Variants in OTOG observed in about 807,000 individuals in gnomAD.
The protein encoded by OTOG is otogelin.
In OTOG, 296 loss-of-function variants were observed where a neutral mutation model predicts 313.8. The ratio of observed to expected loss-of-function variants is 0.94; its 90% confidence interval spans 0.86 to 1.04. The LOEUF (loss-of-function observed/expected upper bound fraction) is 1.04, where lower values mean the gene tolerates loss of function less well. OTOG is among the 50% of genes least tolerant of loss of function. The probability of loss-of-function intolerance (pLI) is 0.00; values close to 1 mark genes in which losing one functional copy is unlikely to be tolerated. For missense variants in OTOG, 3,948 were observed against 3,840.1 expected, an observed-to-expected ratio of 1.03 and a Z score of -0.74; for synonymous variants, 1,533 against 1,554.9, an observed-to-expected ratio of 0.99 and a Z score of 0.33.
In OTOG at chr11:17,574,724, G is replaced by A; in HGVS notation, c.2298G>A (p.Leu766=). Residue 766 remains leucine (L), a synonymous_variant, in exon 20 of 56, where the codon CTG becomes CTA. Transcript: ENST00000399397. ...DFRARLPACA[L]SCEASKEYSP... ...ACCACTCCCCCCTCACTGCAGCACT[G>A]TCCTGTGAGGCCTCCAAGGAGTATA... 1 of 1,550,386 alleles carries A rather than the reference G, an allele frequency of 6.5e-7. No homozygotes were observed. The highest frequency in any genetic ancestry group is 8.7e-7 in the Non-Finnish European group (1 of 1,146,846).
intron 30 of OTOG, among the ~76,000 whole-genome samples, chr11:17,597,310 T>C (rs1372281213): frequency 3.3e-5 from 5 of 152,200 alleles, no homozygotes; most frequent in Admixed American, 2.6e-4. Flanking sequence ...ATAGCCACTT[T>C]GTTAGAAGAG....
chr11:17,611,359 T>C lies in OTOG; in HGVS notation c.6059T>C (p.Ile2020Thr), dbSNP rs576988347. 4 of 1,548,530 alleles carry C rather than the reference T, an allele frequency of 2.6e-6. No individual in the cohort carries two copies. In the African/African-American group the frequency reaches 5.5e-5, roughly 21 times the overall value. ...PSGRSAPALS[I>T]VEGLAEALAT... ...GGGCGCTCAGCCCCAGCCCTGAGCA[T>C]CGTAGAGGGTTTGGCGGAGGCTTTG... The change falls in exon 36 of 56, where the codon ATC becomes ACC. Residue 2020 changes from isoleucine (I) to threonine (T), a missense_variant. Ile to Thr is a moderately conservative substitution (Grantham distance 89). Coordinates refer to ENST00000399397, the MANE Select transcript of OTOG (RefSeq NM_001292063.2).
At position 17,559,597 on chromosome 11, in the gene OTOG, GCCATCC is replaced by G. The variant is rs1852133738; in HGVS notation, c.1280_1285del (p.His427_Pro428del). 6.4e-7 allele frequency: 1 copy of G among 1,550,744 alleles called. No homozygotes were observed. The highest frequency in any genetic ancestry group is 8.7e-7 in the Non-Finnish European group (1 of 1,147,078). The stretch of plus-strand genomic sequence containing the variant: ...TGCATCGCCTGCTGCCCTGCCTCCT[GCCATCC>G]CCGGGCATCCTGTGTGGACAGTGAG... On this transcript the variant is annotated inframe_deletion, in exon 12 of 56. Coordinates refer to ENST00000399397, the MANE Select transcript of OTOG (RefSeq NM_001292063.2).
intron 23 of OTOG, among the ~76,000 whole-genome samples, chr11:17,584,820 C>T (rs1304648752): frequency 6.6e-6 from 1 of 152,226 alleles, no homozygotes; most frequent in Non-Finnish European, 1.5e-5. Context: ...GCCACCGCAC[C>T]AAGCCTGTCA....
At chr11:17,589,750 G>A (rs887933391) in intron 24 of OTOG, among the ~76,000 whole-genome samples, 2 of 151,944 alleles carry the variant, frequency 1.3e-5, no homozygotes, top group African/African-American at 2.4e-5. Context: ...AAGCCCTTTC[G>A]GTCAGGCATT....
intron 39 of OTOG, among the ~76,000 whole-genome samples, chr11:17,614,647 G>A (rs578250139): frequency 2.6e-5 from 4 of 151,986 alleles, no homozygotes; most frequent in Non-Finnish European, 5.9e-5. Context: ...CTATAGTTAT[G>A]CCTTTTCCAG....
In OTOG at chr11:17,610,484, C is replaced by T. The variant is rs543256557; in HGVS notation, c.5184C>T (p.Ala1728=). The part of the protein sequence containing the change: ...EIVLSTEKGE[A]GHSQPMGSPA... ...TGCTATCCACAGAGAAGGGCGAAGC[C>T]GGGCACAGCCAGCCCATGGGCTCGC... The change falls in exon 36 of 56, where the codon GCC becomes GCT. Residue 1728 remains alanine (A), a synonymous_variant. Transcript: ENST00000399397. 10 of 1,550,454 alleles carry T rather than the reference C, an allele frequency of 6.4e-6. No homozygotes were observed. The highest frequency in any genetic ancestry group is 4.9e-5 in the East Asian group (2 of 40,914).
At chr11:17,575,265 C>G (rs573074018) in intron 20 of OTOG, among the ~76,000 whole-genome samples, 58 of 152,316 alleles carry the variant, frequency 3.8e-4, no homozygotes, top group Non-Finnish European at 6.9e-4. Flanking sequence ...ATGAACAAAG[C>G]AGAGTTTAGC....
Position 17,632,150 on chromosome 11 carries a change from C to T in OTOG, c.6996C>T (p.Cys2332=), listed in dbSNP as rs752979647. ...IRDTKYVQQP[C]VALTVYVAMC... ...ACACCAAGTACGTGCAGCAGCCCTG[C>T]GTGGCCCTGACTGTGTACGTGGCCA... The change falls in exon 42 of 56, where the codon TGC becomes TGT. Residue 2332 remains cysteine, a synonymous_variant. Coordinates refer to ENST00000399397, the MANE Select transcript of OTOG (RefSeq NM_001292063.2). 2.6e-5 allele frequency: 40 copies of T among 1,551,058 alleles called. No individual in the cohort carries two copies. The African/African-American group carries it at 4.1e-4, about 16-fold the overall frequency.
intron 43 of OTOG, 84 bp from the exon 44 acceptor site, chr11:17,633,985 G>A: frequency 2.0e-6 from 3 of 1,485,932 alleles, no homozygotes; most frequent in Non-Finnish European, 2.7e-6. Context: ...CTTAGGGGTG[G>A]CCAGTAAACC....
chr11:17,642,841 A>T (rs1194239153), intron 53 of OTOG, among the ~76,000 whole-genome samples: 1 of 152,154 alleles, frequency 6.6e-6, no homozygotes, highest in African/African-American at 2.4e-5. Flanking sequence ...CAGACACTCA[A>T]TGACACTCAT....
chr11:17,564,192 G>A (rs1030117330), intron 15 of OTOG, among the ~76,000 whole-genome samples: 4 of 152,180 alleles, frequency 2.6e-5, no homozygotes, highest in Non-Finnish European at 5.9e-5. Context: ...GGCATGGTGA[G>A]GTTACACAGA....
intron 15 of OTOG, among the ~76,000 whole-genome samples, chr11:17,566,393 A>G (rs1270256946): frequency 6.6e-6 from 1 of 152,166 alleles, no homozygotes; most frequent in Non-Finnish European, 1.5e-5. Context: ...TTTTCAATCC[A>G]TGGTTGGTTG....
chr11:17,635,478 C>G, intron 46 of OTOG, 132 bp from the exon 47 acceptor site: 1 of 709,436 alleles, frequency 1.4e-6, no homozygotes, highest in Non-Finnish European at 2.5e-6. Flanking sequence ...TCACGTGAGA[C>G]CATGCGATGC....
chr11:17,599,785 C>A, intron 31 of OTOG, 88 bp downstream of exon 31: 2 of 1,447,074 alleles, frequency 1.4e-6, no homozygotes, highest in Non-Finnish European at 1.9e-6. Context: ...CATCCCGAGG[C>A]GCTGCTGGCC....
chr11:17,557,118 G>A lies in OTOG; in HGVS notation c.660G>A (p.Arg220=). 2 of 1,549,618 alleles carry A rather than the reference G, an allele frequency of 1.3e-6. No homozygotes were observed. The highest frequency in any genetic ancestry group is 1.7e-6 in the Non-Finnish European group (2 of 1,146,972). The change falls in exon 8 of 56, where the codon AGG becomes AGA. Residue 220 remains arginine (R), a splice_region_variant and synonymous_variant. Coordinates refer to ENST00000399397, the MANE Select transcript of OTOG (RefSeq NM_001292063.2). The part of the protein sequence containing the change: ...LAKEVTHGGM[R]VQLPHVMGSA... ...TGAAGCTCTGGGATGTGCCCTGCAG[G>A]GTCCAACTGCCACATGTCATGGGGA...
In OTOG at chr11:17,608,305, C is replaced by T. The variant is rs767565951; in HGVS notation, c.4166C>T (p.Pro1389Leu). 3.5e-5 allele frequency: 53 copies of T among 1,531,380 alleles called. 1 individual carries two copies. The South Asian group carries it at 6.1e-4, about 18-fold the overall frequency. The allele number at this position is 1,531,380 out of a possible 1,614,324, so 94.9% of individuals were successfully genotyped here. Residue 1389 changes from proline to leucine, a missense_variant, in exon 34 of 56, where the codon CCC becomes CTC. By Grantham distance (98) the Pro-to-Leu change is moderately conservative. Transcript: ENST00000399397. ...GTLFRLLDAKPSGAAYPICEW... is the reference protein window; with the variant it reads ...GTLFRLLDAKLSGAAYPICEW... ...CCATCTCACTTTCTAGATGCCAAGC[C>T]CTCGGGGGCTGCCTACCCCATCTGC...
chr11:17,558,175 C>A lies in OTOG; in HGVS notation c.866-10C>A. 1.3e-6 allele frequency: 2 copies of A among 1,550,472 alleles called. No homozygotes were observed. Among genetic ancestry groups the A allele is most frequent in the Non-Finnish European group, 8.7e-7 (1 of 1,146,970 alleles). On this transcript the variant is annotated splice_polypyrimidine_tract_variant and intron_variant, in intron 8 of 55. Transcript: ENST00000399397. ...CGCTGCCCCATCATGATGTCAGCTC[C>A]CTCCTCCAGGGAAGCTGACTGACGA...
At position 17,645,980 on chromosome 11, in the gene OTOG, C is replaced by T. The variant is rs1848068994; in HGVS notation, c.*36C>T. On this transcript the variant is annotated 3_prime_UTR_variant, in exon 56 of 56. Coordinates refer to ENST00000399397, the MANE Select transcript of OTOG (RefSeq NM_001292063.2). ...CCCGGGCTAGCTGGACCACCTCTGC[C>T]AGCCCCACTTTCTGTTTCCAGCTGG... 2.0e-6 allele frequency: 3 copies of T among 1,532,920 alleles called. No individual in the cohort carries two copies. Among genetic ancestry groups the T allele is most frequent in the Non-Finnish European group, 2.6e-6 (3 of 1,137,432 alleles). The allele number at this position is 1,532,920 out of a possible 1,614,324, so 95.0% of individuals were successfully genotyped here.
Sources: gnomAD v4.1 joint callset for allele counts (sites outside exome capture counted in the v4.1 genomes callset) on GRCh38, gnomAD v4.1.1 for gene constraint, MANE v1.5 for transcripts, NCBI Gene and HGNC (gene_info 2026-07-23, HGNC 2026-07-21) for gene names.